Variants in CDIN1 observed in about 807,000 individuals in gnomAD.
The protein encoded by CDIN1 is CDAN1 interacting nuclease 1, also known as CDAN1-interacting nuclease 1.
Under a neutral mutation model 45.3 loss-of-function variants are expected in CDIN1, and 33 were observed. The observed-to-expected ratio is 0.73, with a 90% confidence interval of 0.55 to 0.97. CDIN1 has a LOEUF of 0.97. Ranked by LOEUF, CDIN1 falls within the 50% of genes least tolerant of loss-of-function variation. The pLI is 0.00. For synonymous variants in CDIN1, 118 were observed against 124.4 expected, an observed-to-expected ratio of 0.95 and a Z score of 0.34; for missense variants, 303 against 339.4, an observed-to-expected ratio of 0.89 and a Z score of 0.84.
At position 36,807,088 on chromosome 15, in the gene CDIN1, G is replaced by A. The variant is rs151047064; in HGVS notation, c.717-1236G>A. ...TACCTGCACAGAGGGGAATCCCAAA[G>A]TTTTAAATAATCTTGAATACAACTT... On this transcript the variant is annotated intron_variant, in intron 10 of 10. Transcript: ENST00000566621. 2.3e-3 allele frequency among the ~76,000 whole-genome samples: 357 copies of A among 152,272 alleles called. 3 individuals carry two copies. The highest frequency in any genetic ancestry group is 7.8e-3 in the African/African-American group (326 of 41,552).
intron 10 of CDIN1, among the ~76,000 whole-genome samples, chr15:36,724,590 G>C (rs373145413): frequency 8.5e-5 from 13 of 152,108 alleles, no homozygotes; most frequent in East Asian, 3.9e-4. Flanking sequence ...GTCAGAGATA[G>C]TTTGATTTAG....
intron 10 of CDIN1, among the ~76,000 whole-genome samples, chr15:36,739,188 T>G (rs1483549495): frequency 6.6e-6 from 1 of 152,096 alleles, no homozygotes; most frequent in Non-Finnish European, 1.5e-5. Context: ...CAGCCAGGGA[T>G]TTGAGACTAG....
intron 10 of CDIN1, among the ~76,000 whole-genome samples, chr15:36,725,317 C>CT (rs34845224): frequency 0.31 from 42,671 of 139,854 alleles, 6,372 homozygotes; most frequent in East Asian, 0.4. Flanking sequence ...TCTCTTGCCT[C>CT]TTTTTTTTTT....
At chr15:36,741,411 CATT>C (rs925731624) in intron 10 of CDIN1, among the ~76,000 whole-genome samples, 3 of 150,806 alleles carry the variant, frequency 2.0e-5, no homozygotes, top group African/African-American at 7.3e-5. Context: ...CAGTTGACAT[CATT>C]GTCTTCATCA....
At chr15:36,622,936 T>G (rs1217377580) in intron 1 of CDIN1, among the ~76,000 whole-genome samples, 1 of 152,222 alleles carries the variant, frequency 6.6e-6, no homozygotes, top group Non-Finnish European at 1.5e-5. Flanking sequence ...TATATCAAAT[T>G]CAGCCATTTC....
chr15:36,580,507 T>C (rs993010888), intron 1 of CDIN1, among the ~76,000 whole-genome samples: 21 of 152,222 alleles, frequency 1.4e-4, no homozygotes, highest in Admixed American at 7.9e-4. Context: ...TCTTGGGTCA[T>C]TGGCCATTTG....
intron 1 of CDIN1, among the ~76,000 whole-genome samples, 189 bp from the exon 2 acceptor site, chr15:36,644,089 T>G (rs2040215420): frequency 6.6e-6 from 1 of 152,198 alleles, no homozygotes; most frequent in Non-Finnish European, 1.5e-5. Flanking sequence ...CCCTTTCCTT[T>G]TTTCTCTCTC....
chr15:36,762,335 C>T, intron 10 of CDIN1, among the ~76,000 whole-genome samples: 1 of 152,098 alleles, frequency 6.6e-6, no homozygotes, highest in East Asian at 1.9e-4. Context: ...CTTTTTTGGT[C>T]ACCCACATAT....
chr15:36,628,183 C>A (rs2039527352), intron 1 of CDIN1, among the ~76,000 whole-genome samples: 1 of 152,042 alleles, frequency 6.6e-6, no homozygotes, highest in Non-Finnish European at 1.5e-5. Context: ...TTTATCATCC[C>A]CTAAAAATTC....
At chr15:36,675,276 T>C (rs1256769818) in intron 5 of CDIN1, among the ~76,000 whole-genome samples, 2 of 152,144 alleles carry the variant, frequency 1.3e-5, no homozygotes, top group Non-Finnish European at 1.5e-5. Context: ...TGGGAGTAAT[T>C]TCTTCAGTTC....
chr15:36,796,635 T>C (rs2054809761), intron 10 of CDIN1, among the ~76,000 whole-genome samples: 1 of 152,186 alleles, frequency 6.6e-6, no homozygotes, highest in Non-Finnish European at 1.5e-5. Flanking sequence ...CCTCTTCTGT[T>C]CACCTCAGAT....
chr15:36,798,092 G>A (rs1488491920), intron 10 of CDIN1, among the ~76,000 whole-genome samples: 1 of 150,996 alleles, frequency 6.6e-6, no homozygotes, highest in African/African-American at 2.4e-5. Flanking sequence ...CTTCTTCTAG[G>A]GCAAGGGACT....
chr15:36,759,159 C>T (rs1024091316), intron 10 of CDIN1, among the ~76,000 whole-genome samples: 1 of 151,866 alleles, frequency 6.6e-6, no homozygotes, highest in African/African-American at 2.4e-5. Context: ...GGTGCAGGAC[C>T]CCAGCAGTAG....
intron 10 of CDIN1, among the ~76,000 whole-genome samples, chr15:36,794,554 G>A (rs747843777): frequency 4.6e-5 from 7 of 152,028 alleles, no homozygotes; most frequent in African/African-American, 9.7e-5. Flanking sequence ...GTATTTGTCC[G>A]TTTATGACTG....
At chr15:36,614,158 A>G in intron 1 of CDIN1, 1 of 705,828 alleles carries the variant, frequency 1.4e-6, no homozygotes, top group Non-Finnish European at 2.6e-6. Flanking sequence ...TTCTGTACAC[A>G]GAGGTTGCTG....
chr15:36,653,203 T>C (rs2040641356), intron 3 of CDIN1, among the ~76,000 whole-genome samples: 1 of 152,130 alleles, frequency 6.6e-6, no homozygotes, highest in Admixed American at 6.6e-5. Flanking sequence ...TATTCCTCGA[T>C]TGCATATGAG....
At chr15:36,677,537 TAA>T (rs991087647) in intron 5 of CDIN1, among the ~76,000 whole-genome samples, 4 of 152,122 alleles carry the variant, frequency 2.6e-5, no homozygotes, top group Non-Finnish European at 5.9e-5. Flanking sequence ...CCCAGATACT[TAA>T]AGACAATATT....
At position 36,615,129 on chromosome 15, in the gene CDIN1, A is replaced by C. The variant is rs181344333; in HGVS notation, c.102-29149A>C. On this transcript the variant is annotated intron_variant, in intron 1 of 10. Coordinates refer to ENST00000566621, the MANE Select transcript of CDIN1 (RefSeq NM_001321759.2). Reference sequence around the variant, plus strand: ...ATCAGTCAGTGCTGGAGAAATCTTGAATAGCTTACGTACAAAACTTTTTAA... The same window carrying C: ...ATCAGTCAGTGCTGGAGAAATCTTGCATAGCTTACGTACAAAACTTTTTAA... Among the ~76,000 whole-genome samples the C allele has an allele frequency of 3.0e-3, 453 of 152,326 alleles. 2 individuals carry two copies. The highest frequency in any genetic ancestry group is 0.024 in the Middle Eastern group (7 of 294).
At chr15:36,592,848 G>C (rs563078859) in intron 1 of CDIN1, among the ~76,000 whole-genome samples, 2 of 152,190 alleles carry the variant, frequency 1.3e-5, no homozygotes, top group African/African-American at 4.8e-5. Flanking sequence ...GGACATTACA[G>C]TGATTCTTTC....
Sources: gnomAD v4.1 joint callset for allele counts (sites outside exome capture counted in the v4.1 genomes callset) on GRCh38, gnomAD v4.1.1 for gene constraint, MANE v1.5 for transcripts, NCBI Gene and HGNC (gene_info 2026-07-23, HGNC 2026-07-21) for gene names.